The following GABRA2 variants were observed in gnomAD, a reference collection of about 807,000 sequenced individuals.
The protein encoded by GABRA2 is gamma-aminobutyric acid type A receptor subunit alpha2, also known as gamma-aminobutyric acid receptor subunit alpha-2.
Under a neutral mutation model 48.7 loss-of-function variants are expected in GABRA2, and 16 were observed. The observed-to-expected ratio is 0.33, with a 90% CI of 0.22 to 0.50. GABRA2 has a LOEUF of 0.50. GABRA2 is among the 20% of genes least tolerant of loss of function. The pLI, the probability that GABRA2 is intolerant of heterozygous loss-of-function variation, is 0.98. For synonymous variants in GABRA2, 185 were observed against 184.5 expected (o/e 1.00, Z -0.02); for missense variants, 275 against 535.6 (o/e 0.51, Z 4.80).
intron 3 of GABRA2, among the ~76,000 whole-genome samples, chr4:46,354,788 A>G (rs572757691): frequency 1.3e-5 from 2 of 152,284 alleles, no homozygotes; most frequent in African/African-American, 4.8e-5. Flanking sequence ...TCCCAGCTTC[A>G]TGAAGCAAGG....
At chr4:46,274,205 G>A (rs1382371375) in intron 8 of GABRA2, among the ~76,000 whole-genome samples, 1 of 152,024 alleles carries the variant, frequency 6.6e-6, no homozygotes. Flanking sequence ...ATTTACAGAT[G>A]AGCAAATTGA....
At chr4:46,271,976 G>T (rs907662408) in intron 8 of GABRA2, among the ~76,000 whole-genome samples, 2 of 151,584 alleles carry the variant, frequency 1.3e-5, no homozygotes, top group African/African-American at 4.8e-5. Flanking sequence ...TTTTTATTTA[G>T]CTACCTTCTA....
At chr4:46,262,270 T>C (rs1717130344) in intron 8 of GABRA2, 142 bp from the exon 9 acceptor site, 2 of 574,838 alleles carry the variant, frequency 3.5e-6, no homozygotes, top group South Asian at 5.2e-5. Flanking sequence ...GAATAAATAC[T>C]GGAATTTATA....
chr4:46,363,406 G>C (rs1175660565), intron 3 of GABRA2, among the ~76,000 whole-genome samples: 1 of 151,972 alleles, frequency 6.6e-6, no homozygotes, highest in Non-Finnish European at 1.5e-5. Context: ...AAGGAAGAGA[G>C]CACCAAGAAT....
At position 46,250,354 on chromosome 4, in the gene GABRA2, C is replaced by T; in HGVS notation, c.1310G>A (p.Trp437Ter). 6.2e-7 allele frequency: 1 copy of T among 1,611,196 alleles called. No homozygotes were observed. Among genetic ancestry groups the T allele is most frequent in the Non-Finnish European group, 8.5e-7 (1 of 1,178,234 alleles). ...AGGTTCTCTGTTTAAATATGTAGCCCAGTAAACTAAATTAAAGGTACCAAA... is the reference window on the plus strand; with the variant it reads ...AGGTTCTCTGTTTAAATATGTAGCCTAGTAAACTAAATTAAAGGTACCAAA... Reference protein sequence around the residue: ...VLFGTFNLVYWATYLNREPVL... With the variant: ...VLFGTFNLVY Residue 437 changes from tryptophan (W) to a stop codon, truncating the protein, a stop_gained, in exon 10 of 10, where the codon TGG becomes TAG. Coordinates refer to ENST00000381620, the MANE Select transcript of GABRA2 (RefSeq NM_000807.4). LOFTEE classifies it high-confidence loss of function.
intron 3 of GABRA2, among the ~76,000 whole-genome samples, chr4:46,339,448 G>C (rs1732830670): frequency 6.6e-6 from 1 of 151,720 alleles, no homozygotes; most frequent in African/African-American, 2.4e-5. Flanking sequence ...AATAGCCCTT[G>C]ACATAGTATA....
chr4:46,275,808 C>A (rs1369579165), intron 8 of GABRA2, among the ~76,000 whole-genome samples: 1 of 152,018 alleles, frequency 6.6e-6, no homozygotes, highest in East Asian at 1.9e-4. Context: ...ATAAATAGTA[C>A]ATCATTAGAG....
intron 8 of GABRA2, among the ~76,000 whole-genome samples, chr4:46,279,376 C>T (rs1194724231): frequency 6.6e-6 from 1 of 152,144 alleles, no homozygotes; most frequent in African/African-American, 2.4e-5. Context: ...TCTATTACCT[C>T]TGTACAAGAC....
chr4:46,324,536 G>T (rs1379906686), intron 4 of GABRA2, among the ~76,000 whole-genome samples: 1 of 151,870 alleles, frequency 6.6e-6, no homozygotes, highest in African/African-American at 2.4e-5. Context: ...TACATGTTCA[G>T]AAATCACAGT....
rs1191114689 is a variant in GABRA2, at chr4:46,250,175, C to CTGG, written c.*130_*132dup. 3 of 734,458 alleles carry CTGG rather than the reference C, an allele frequency of 4.1e-6. No homozygotes were observed. Among genetic ancestry groups the CTGG allele is most frequent in the Non-Finnish European group, 6.7e-6 (3 of 449,520 alleles). 45.5% of individuals were successfully genotyped at this position (734,458 alleles called of 1,614,324 possible). Reference sequence around the variant, plus strand: ...AATGCATGTCTCCATTAAAGGTCTACTGGTAAGCTATGTCACTATATACAT... The same window carrying CTGG: ...AATGCATGTCTCCATTAAAGGTCTACTGGTGGTAAGCTATGTCACTATATACAT... On this transcript the variant is annotated 3_prime_UTR_variant, in exon 10 of 10. Transcript: ENST00000381620.
chr4:46,378,046 C>G (rs1405541724), intron 3 of GABRA2, among the ~76,000 whole-genome samples: 2 of 220 alleles, frequency 9.1e-3, no homozygotes, highest in Non-Finnish European at 0.016. Flanking sequence ...GGGGTTCAGC[C>G]CCCCCACCCG....
chr4:46,380,091 G>A (rs1306486319), intron 3 of GABRA2, among the ~76,000 whole-genome samples: 1 of 152,150 alleles, frequency 6.6e-6, no homozygotes, highest in Non-Finnish European at 1.5e-5. Context: ...GCTTAGGGTG[G>A]TGACTATGCT....
chr4:46,345,613 G>A (rs1373706483), intron 3 of GABRA2, among the ~76,000 whole-genome samples: 1 of 151,820 alleles, frequency 6.6e-6, no homozygotes, highest in Non-Finnish European at 1.5e-5. Flanking sequence ...AACCACAGTT[G>A]TCCTGAACAG....
chr4:46,276,855 T>C (rs1255611697), intron 8 of GABRA2, among the ~76,000 whole-genome samples: 3 of 152,100 alleles, frequency 2.0e-5, no homozygotes, highest in Admixed American at 1.3e-4. Flanking sequence ...ACAGAGTATA[T>C]GGAATATAAA....
At chr4:46,333,777 A>C (rs773535049) in intron 3 of GABRA2, among the ~76,000 whole-genome samples, 24 of 152,102 alleles carry the variant, frequency 1.6e-4, no homozygotes, top group Non-Finnish European at 2.8e-4. Flanking sequence ...ATGCATGTGT[A>C]CAATGATTCA....
At chr4:46,262,723 C>G (rs1717226900) in intron 8 of GABRA2, among the ~76,000 whole-genome samples, 1 of 151,884 alleles carries the variant, frequency 6.6e-6, no homozygotes, top group South Asian at 2.1e-4. Flanking sequence ...GATGGTGAAA[C>G]CCCATCTCTA....
chr4:46,289,292 T>TG (rs1723137637), intron 8 of GABRA2, among the ~76,000 whole-genome samples: 1 of 152,156 alleles, frequency 6.6e-6, no homozygotes, highest in South Asian at 2.1e-4. Flanking sequence ...AGCAAAGACA[T>TG]GGAATCAACT....
chr4:46,273,928 AC>A (rs1719985670), intron 8 of GABRA2, among the ~76,000 whole-genome samples: 1 of 152,068 alleles, frequency 6.6e-6, no homozygotes, highest in Non-Finnish European at 1.5e-5. Flanking sequence ...GATTTAGGTA[AC>A]AAACTGAAAA....
intron 8 of GABRA2, among the ~76,000 whole-genome samples, chr4:46,283,839 C>T (rs1458338398): frequency 6.6e-6 from 1 of 152,064 alleles, no homozygotes; most frequent in South Asian, 2.1e-4. Flanking sequence ...GGCTCACTGC[C>T]AGCTCCGCCT....
Sources: allele counts gnomAD v4.1 joint callset (sites outside exome capture counted in the v4.1 genomes callset), GRCh38; gene constraint gnomAD v4.1.1; transcripts MANE v1.5; gene names NCBI Gene and HGNC (gene_info 2026-07-23, HGNC 2026-07-21).